PHIP: variants seen among roughly 807,000 people sequenced by gnomAD.
PHIP encodes PHIP subunit of CUL4-Ring ligase complex.
In PHIP, 54 loss-of-function variants were observed where a neutral mutation model predicts 236.8. The observed-to-expected ratio is 0.23, with a 90% CI of 0.18 to 0.29. The LOEUF (loss-of-function observed/expected upper bound fraction) is 0.29, where lower values mean the gene tolerates loss of function less well. PHIP is among the 10% of genes least tolerant of loss of function. The pLI is 1.00. For synonymous variants in PHIP, 756 were observed against 718.9 expected (o/e 1.05, Z -0.83); for missense variants, 1,370 against 2,190.8 (o/e 0.63, Z 7.48).
intron 6 of PHIP, among the ~76,000 whole-genome samples, chr6:79,056,320 A>G (rs1773069582): frequency 6.6e-6 from 1 of 152,204 alleles, no homozygotes. Flanking sequence ...CAAAAGGATG[A>G]AAACCAACAT....
chr6:78,972,354 C>T (rs1482191116), intron 24 of PHIP, among the ~76,000 whole-genome samples: 4 of 152,192 alleles, frequency 2.6e-5, no homozygotes, highest in Non-Finnish European at 5.9e-5. Flanking sequence ...ACAGAAAGGA[C>T]ATCCACATCA....
intron 9 of PHIP, among the ~76,000 whole-genome samples, chr6:79,020,903 G>A (rs911458843): frequency 6.6e-6 from 1 of 152,052 alleles, no homozygotes; most frequent in Non-Finnish European, 1.5e-5. Context: ...CAAAAGCAAT[G>A]AAATTATATT....
chr6:79,007,287 T>G (rs1310362247), intron 15 of PHIP, among the ~76,000 whole-genome samples: 1 of 152,070 alleles, frequency 6.6e-6, no homozygotes, highest in Non-Finnish European at 1.5e-5. Context: ...GACAGAGGAA[T>G]GAGGTCGAAG....
Position 78,937,293 on chromosome 6 carries a change from T to C in PHIP, c.*3400A>G, listed in dbSNP as rs896363521. Reference sequence around the variant, plus strand: ...ATATGTATAAAATGGAATGTCAGAATTGAAGTAAACATTGTTAACTGGAGA... The same window carrying C: ...ATATGTATAAAATGGAATGTCAGAACTGAAGTAAACATTGTTAACTGGAGA... On this transcript the variant is annotated 3_prime_UTR_variant, in exon 40 of 40. Transcript: ENST00000275034. The C allele has an allele frequency of 2.0e-5, 3 of 151,754 alleles. No homozygotes were observed. Among genetic ancestry groups the C allele is most frequent in the Non-Finnish European group, 4.4e-5 (3 of 67,674 alleles). 9.4% of individuals were successfully genotyped at this position (151,754 alleles called of 1,614,324 possible).
At chr6:78,947,506 T>C (rs989696160) in intron 36 of PHIP, 117 bp downstream of exon 36, 2 of 577,166 alleles carry the variant, frequency 3.5e-6, no homozygotes, top group African/African-American at 1.9e-5. Context: ...TAGGACAACA[T>C]TAAGAATGTA....
chr6:79,034,525 C>T (rs989789242), intron 7 of PHIP, among the ~76,000 whole-genome samples: 4 of 152,072 alleles, frequency 2.6e-5, no homozygotes, highest in Admixed American at 6.5e-5. Context: ...GTCTATGCCC[C>T]CAAATTTTAA....
At chr6:79,005,611 AAGAG>A (rs989242293) in intron 15 of PHIP, among the ~76,000 whole-genome samples, 1 of 152,004 alleles carries the variant, frequency 6.6e-6, no homozygotes, top group Non-Finnish European at 1.5e-5. Context: ...CACAGAAGCC[AAGAG>A]AGAGAACAAA....
intron 39 of PHIP, among the ~76,000 whole-genome samples, chr6:78,942,051 A>T (rs941949838): frequency 1.3e-5 from 2 of 152,176 alleles, no homozygotes; most frequent in Non-Finnish European, 1.5e-5. Flanking sequence ...AATTTCTGAC[A>T]TGTTTTTATT....
At chr6:79,075,159 G>A (rs1364950139) in intron 4 of PHIP, among the ~76,000 whole-genome samples, 5 of 152,006 alleles carry the variant, frequency 3.3e-5, no homozygotes, top group Admixed American at 2.0e-4. Flanking sequence ...ATTAAACAGC[G>A]AGATCAACTA....
chr6:79,072,530 G>C (rs1773939949), intron 4 of PHIP, among the ~76,000 whole-genome samples: 1 of 151,796 alleles, frequency 6.6e-6, no homozygotes, highest in Admixed American at 6.6e-5. Flanking sequence ...CACCCACGCT[G>C]GAGGGCAGTG....
intron 19 of PHIP, 88 bp downstream of exon 19, chr6:78,997,324 TAC>T: frequency 8.8e-7 from 1 of 1,132,624 alleles, no homozygotes; most frequent in Non-Finnish European, 1.3e-6. Context: ...TCAGAGGAAT[TAC>T]AGAGCTGAAA....
At chr6:78,942,285 C>T (rs941917340) in intron 39 of PHIP, among the ~76,000 whole-genome samples, 8 of 152,150 alleles carry the variant, frequency 5.3e-5, no homozygotes, top group African/African-American at 1.9e-4. Flanking sequence ...GAGTTCGAGA[C>T]CAGCCTGGCC....
At chr6:79,029,517 A>T (rs1027455608) in intron 7 of PHIP, among the ~76,000 whole-genome samples, 1 of 152,140 alleles carries the variant, frequency 6.6e-6, no homozygotes, top group Non-Finnish European at 1.5e-5. Context: ...AATGTGTTTT[A>T]TTTTATTATT....
chr6:79,032,453 TC>T (rs2127752829), intron 7 of PHIP, among the ~76,000 whole-genome samples: 1 of 152,340 alleles, frequency 6.6e-6, no homozygotes, highest in South Asian at 2.1e-4. Flanking sequence ...CATGTAATAG[TC>T]CACATCCTTT....
chr6:78,942,704 CTCTTT>C (rs1773569069), intron 39 of PHIP, among the ~76,000 whole-genome samples: 1 of 152,162 alleles, frequency 6.6e-6, no homozygotes. Context: ...TTCTGTCAAT[CTCTTT>C]TGTTTTACAT....
At chr6:78,972,360 C>T (rs1010760408) in intron 24 of PHIP, among the ~76,000 whole-genome samples, 25 of 152,284 alleles carry the variant, frequency 1.6e-4, no homozygotes, top group African/African-American at 4.8e-4. Flanking sequence ...AGGACATCCA[C>T]ATCAAAAACC....
At chr6:78,988,426 A>T (rs969061317) in intron 20 of PHIP, 77 bp from the exon 21 acceptor site, 4 of 1,116,656 alleles carry the variant, frequency 3.6e-6, no homozygotes, top group African/African-American at 3.2e-5. Context: ...AAAATTTTTT[A>T]ATTAAAAAAA....
At chr6:79,015,247 T>G in intron 14 of PHIP, 31 bp from the exon 15 acceptor site, 2 of 1,540,066 alleles carry the variant, frequency 1.3e-6, no homozygotes, top group Non-Finnish European at 1.8e-6. Context: ...CAAAGAATCA[T>G]AGATATTAAA....
At chr6:78,980,617 G>A (rs188944352) in intron 23 of PHIP, among the ~76,000 whole-genome samples, 1 of 151,954 alleles carries the variant, frequency 6.6e-6, no homozygotes, top group Non-Finnish European at 1.5e-5. Flanking sequence ...GATGTGAGGA[G>A]TAAAATGATA....
Sources: gnomAD v4.1 joint callset for allele counts (sites outside exome capture counted in the v4.1 genomes callset) on GRCh38, gnomAD v4.1.1 for gene constraint, MANE v1.5 for transcripts, NCBI Gene and HGNC (gene_info 2026-07-23, HGNC 2026-07-21) for gene names.